The following CPA5 variants were observed in gnomAD, a reference collection of about 807,000 sequenced individuals.
CPA5 encodes the protein carboxypeptidase A5, also known as testicular tissue protein Li 32.
CPA5 carries 38 observed loss-of-function variants against 52.2 expected under a neutral mutation model. That is an observed-to-expected ratio of 0.73 (90% CI 0.56 to 0.95). CPA5 has a LOEUF of 0.95. Ranked by LOEUF, CPA5 falls within the 40% of genes least tolerant of loss-of-function variation. The pLI, the probability that CPA5 is intolerant of heterozygous loss-of-function variation, is 0.00. For synonymous variants in CPA5, 198 were observed against 213.7 expected (o/e 0.93, Z 0.64); for missense variants, 519 against 566.7 (o/e 0.92, Z 0.86).
chr7:130,354,708 G>GT lies in CPA5; in HGVS notation c.333+4606dup, dbSNP rs543945519. ...GGATCATAGGCGTGAACCACGAGAG[G>GT]TTTTTTTGTTTGTTTGTTTTTGTTT... On this transcript the variant is annotated intron_variant, in intron 5 of 12. Transcript: ENST00000474905. 2.7e-4 allele frequency among the ~76,000 whole-genome samples: 41 copies of GT among 151,992 alleles called. No individual in the cohort carries two copies. The South Asian group carries it at 3.7e-3, about 14-fold the overall frequency.
chr7:130,367,871 C>T (rs782550662), intron 11 of CPA5, 35 bp from the exon 12 acceptor site: 9 of 1,582,730 alleles, frequency 5.7e-6, no homozygotes, highest in African/African-American at 1.3e-5. Context: ...CCCCGGGGAG[C>T]CCCTGCCTTT....
At chr7:130,359,333 G>A (rs1455199088) in intron 5 of CPA5, among the ~76,000 whole-genome samples, 2 of 152,226 alleles carry the variant, frequency 1.3e-5, no homozygotes, top group African/African-American at 2.4e-5. Flanking sequence ...AGTGGCAGAG[G>A]CAGACCTAGA....
Position 130,363,459 on chromosome 7 carries a change from T to A in CPA5, c.788T>A (p.Ile263Asn). 3.2e-6 allele frequency: 5 copies of A among 1,584,308 alleles called. No individual in the cohort carries two copies. The highest frequency in any genetic ancestry group is 4.3e-6 in the Non-Finnish European group (5 of 1,164,880). Residue 263 changes from isoleucine (I) to asparagine (N), a missense_variant, in exon 10 of 13, where the codon ATC becomes AAC. Ile to Asn is a moderately radical substitution (Grantham distance 149). Coordinates refer to ENST00000474905, the MANE Select transcript of CPA5 (RefSeq NM_080385.5). ...AAGAACAAGTCCATCAGACCTGGAA[T>A]CTTCTGCATCGGCGTGGATCTCAAC... ...WRKNKSIRPGIFCIGVDLNRN... is the reference protein window; with the variant it reads ...WRKNKSIRPGNFCIGVDLNRN...
At chr7:130,354,931 C>G (rs1225385816) in intron 5 of CPA5, among the ~76,000 whole-genome samples, 3 of 152,062 alleles carry the variant, frequency 2.0e-5, no homozygotes, top group Non-Finnish European at 4.4e-5. Flanking sequence ...ATGCTGTTGG[C>G]TGGTCTGTGG....
At chr7:130,361,288 C>T (rs1554406620) in intron 7 of CPA5, 44 bp downstream of exon 7, 1 of 1,362,250 alleles carries the variant, frequency 7.3e-7, no homozygotes. Flanking sequence ...CCTTGAGGGC[C>T]TCTGGCATAA....
intron 5 of CPA5, among the ~76,000 whole-genome samples, chr7:130,354,379 TAC>T (rs1264796184): frequency 6.6e-6 from 1 of 152,028 alleles, no homozygotes; most frequent in Non-Finnish European, 1.5e-5. Flanking sequence ...AGCTGAAGAG[TAC>T]AGTTTTTATT....
At chr7:130,371,491 TCACAGC>T (rs1406549425), downstream of CPA5, among the ~76,000 whole-genome samples, 1 of 152,112 alleles carries the variant, frequency 6.6e-6, no homozygotes, top group East Asian at 1.9e-4. Context: ...GAACTTGTTC[TCACAGC>T]CAGCTTGGCC....
At chr7:130,346,336 C>T in intron 2 of CPA5, 57 bp from the exon 3 acceptor site, 3 of 564,214 alleles carry the variant, frequency 5.3e-6, no homozygotes, top group South Asian at 5.2e-5. Context: ...TCTCCCAAGG[C>T]CTGGCATGTG....
At chr7:130,371,458 G>A (rs1270452064), downstream of CPA5, among the ~76,000 whole-genome samples, 5 of 152,218 alleles carry the variant, frequency 3.3e-5, no homozygotes, top group South Asian at 1.0e-3. Context: ...TCACGGCCAA[G>A]GCTCTGCAGG....
intron 10 of CPA5, among the ~76,000 whole-genome samples, chr7:130,365,967 C>T (rs782244029): frequency 6.6e-6 from 1 of 152,236 alleles, no homozygotes; most frequent in East Asian, 1.9e-4. Context: ...CCCCTTCTAA[C>T]CAGGGTCCCC....
chr7:130,367,208 C>T (rs1554408630), intron 10 of CPA5, among the ~76,000 whole-genome samples, 164 bp from the exon 11 acceptor site: 1 of 152,078 alleles, frequency 6.6e-6, no homozygotes, highest in African/African-American at 2.4e-5. Flanking sequence ...CCAGAAGTGC[C>T]GTGTCATTTC....
At chr7:130,352,476 C>T (rs1324980261) in intron 5 of CPA5, among the ~76,000 whole-genome samples, 7 of 150,682 alleles carry the variant, frequency 4.6e-5, no homozygotes, top group Admixed American at 2.6e-4. Flanking sequence ...TCTGAGAAGG[C>T]GGTAATTACG....
intron 3 of CPA5, among the ~76,000 whole-genome samples, chr7:130,347,138 C>T (rs1346941662): frequency 6.6e-6 from 1 of 152,206 alleles, no homozygotes; most frequent in Non-Finnish European, 1.5e-5. Flanking sequence ...AGATGGGGTT[C>T]CTCACCCACG....
chr7:130,361,838 C>T (rs770369064), intron 7 of CPA5, among the ~76,000 whole-genome samples: 2 of 152,200 alleles, frequency 1.3e-5, no homozygotes, highest in Non-Finnish European at 2.9e-5. Flanking sequence ...CCCTGCGGGG[C>T]GTTTAGCATC....
chr7:130,363,083 G>A, intron 9 of CPA5, 89 bp downstream of exon 9: 1 of 777,140 alleles, frequency 1.3e-6, no homozygotes, highest in South Asian at 1.7e-5. Flanking sequence ...AGCCCCTTCA[G>A]AGCCTCTTTG....
intron 1 of CPA5, 45 bp downstream of exon 1, chr7:130,345,250 C>T (rs782713554): frequency 2.6e-5 from 4 of 152,180 alleles, no homozygotes; most frequent in Non-Finnish European, 5.9e-5. Context: ...GAGCTCCCTT[C>T]TTTGCACACA....
At chr7:130,365,950 G>A (rs555456037) in intron 10 of CPA5, among the ~76,000 whole-genome samples, 23 of 152,294 alleles carry the variant, frequency 1.5e-4, no homozygotes, top group African/African-American at 2.6e-4. Context: ...TAGCTCTGCC[G>A]GCACATCCCC....
intron 11 of CPA5, 79 bp from the exon 12 acceptor site, chr7:130,367,827 C>T: frequency 8.0e-7 from 1 of 1,254,142 alleles, no homozygotes; most frequent in African/African-American, 1.5e-5. Context: ...CCATGCTTCT[C>T]ACCAGCTGGT....
downstream of CPA5, among the ~76,000 whole-genome samples, chr7:130,373,037 G>C (rs150130653): frequency 3.1e-3 from 470 of 152,292 alleles, 9 homozygotes; most frequent in East Asian, 0.032. Context: ...GGGTGCTCTA[G>C]TCCCAGCCCC....
Sources: allele counts gnomAD v4.1 joint callset (sites outside exome capture counted in the v4.1 genomes callset), GRCh38; gene constraint gnomAD v4.1.1; transcripts MANE v1.5; gene names NCBI Gene and HGNC (gene_info 2026-07-23, HGNC 2026-07-21).